Variants in MARCHF10 observed in about 807,000 individuals in gnomAD.
MARCHF10 encodes membrane associated ring-CH-type finger 10, also known as probable E3 ubiquitin-protein ligase MARCHF10.
MARCHF10 carries 64 observed loss-of-function variants against 76.2 expected under a neutral mutation model. The observed-to-expected ratio is 0.84, with a 90% CI of 0.69 to 1.03. The LOEUF (loss-of-function observed/expected upper bound fraction) is 1.03, where lower values mean the gene tolerates loss of function less well. Among genes scored for constraint, MARCHF10 ranks in the 50% least tolerant of loss-of-function variants. MARCHF10 has a pLI of 0.00. For missense variants in MARCHF10, 875 were observed against 958.0 expected, an observed-to-expected ratio of 0.91 and a Z score of 1.14; for synonymous variants, 340 against 357.5, an observed-to-expected ratio of 0.95 and a Z score of 0.55.
chr17:62,794,976 G>A, intron 2 of MARCHF10: 2 of 977,348 alleles, frequency 2.0e-6, no homozygotes, highest in Non-Finnish European at 2.4e-6. Context: ...CCTCCAGCTA[G>A]TTTTTTTTCC....
At chr17:62,740,746 C>T (rs1041627951) in intron 5 of MARCHF10, among the ~76,000 whole-genome samples, 6 of 152,186 alleles carry the variant, frequency 3.9e-5, no homozygotes, top group African/African-American at 1.2e-4. Flanking sequence ...CCTGCCTCAG[C>T]CTCCTGAGTA....
intron 4 of MARCHF10, among the ~76,000 whole-genome samples, chr17:62,751,043 G>A (rs1422480443): frequency 3.9e-5 from 6 of 152,314 alleles, no homozygotes; most frequent in Admixed American, 1.3e-4. Context: ...GAGAGATCCC[G>A]GCGGGATCAT....
At chr17:62,795,382 A>AAAAAAG (rs1555719591) in intron 2 of MARCHF10, among the ~76,000 whole-genome samples, 1 of 111,990 alleles carries the variant, frequency 8.9e-6, no homozygotes, top group African/African-American at 3.7e-5. Flanking sequence ...AAAAAAAAAA[A>AAAAAAG]AAGAAGCTAG....
At chr17:62,715,062 T>A (rs1292409224) in intron 8 of MARCHF10, among the ~76,000 whole-genome samples, 1 of 152,116 alleles carries the variant, frequency 6.6e-6, no homozygotes, top group African/African-American at 2.4e-5. Context: ...GCTCCTCCTT[T>A]CCTCCCTGCA....
At chr17:62,764,303 T>C (rs1278928945) in intron 3 of MARCHF10, among the ~76,000 whole-genome samples, 2 of 152,208 alleles carry the variant, frequency 1.3e-5, no homozygotes, top group South Asian at 4.1e-4. Flanking sequence ...TTAACTGATA[T>C]GCCATTTCTG....
intron 10 of MARCHF10, chr17:62,705,196 A>C (rs1204817016): frequency 8.1e-7 from 1 of 1,231,514 alleles, no homozygotes; most frequent in South Asian, 1.8e-5. Flanking sequence ...TCCTGGCAGT[A>C]AAAAAACCAA....
chr17:62,712,397 G>A lies in MARCHF10; in HGVS notation c.2215-1053C>T, dbSNP rs945649920. On this transcript the variant is annotated intron_variant, in intron 8 of 10. Transcript: ENST00000311269. The surrounding 1 kb of genome is among the most constrained non-coding windows in gnomAD (Gnocchi z 4.2). The stretch of plus-strand genomic sequence containing the variant: ...ATCTGCCTTCTTCCTGCAGCAGCGC[G>A]GGTGCCACATCTTCCTGTTCTCATT... Among the ~76,000 whole-genome samples, 1 of 152,330 alleles carries A rather than the reference G, an allele frequency of 6.6e-6. No individual in the cohort carries two copies. Among genetic ancestry groups the A allele is most frequent in the South Asian group, 2.1e-4 (1 of 4,824 alleles).
At chr17:62,780,107 C>A (rs867701017) in intron 3 of MARCHF10, among the ~76,000 whole-genome samples, 210 of 130,402 alleles carry the variant, frequency 1.6e-3, no homozygotes, top group African/African-American at 8.9e-3. Context: ...AAAAAAAAAA[C>A]AAACCAAAAA....
intron 8 of MARCHF10, among the ~76,000 whole-genome samples, chr17:62,721,942 A>G (rs538697868): frequency 1.3e-5 from 2 of 151,854 alleles, no homozygotes; most frequent in African/African-American, 2.4e-5. Flanking sequence ...GAAGCTTCTT[A>G]CTTTTGTTCC....
intron 6 of MARCHF10, among the ~76,000 whole-genome samples, chr17:62,730,011 G>A (rs895709202): frequency 2.6e-5 from 4 of 152,112 alleles, no homozygotes; most frequent in Non-Finnish European, 2.9e-5. Flanking sequence ...GTGAAGCCCC[G>A]TCTCTACTAA....
intron 1 of MARCHF10, among the ~76,000 whole-genome samples, chr17:62,807,061 G>A (rs2093174844): frequency 6.6e-6 from 1 of 152,188 alleles, no homozygotes; most frequent in Admixed American, 6.5e-5. Context: ...GGACAATCAG[G>A]CTCGAAAATT....
At chr17:62,766,481 C>T (rs1272100827) in intron 3 of MARCHF10, among the ~76,000 whole-genome samples, 1 of 150,746 alleles carries the variant, frequency 6.6e-6, no homozygotes, top group Non-Finnish European at 1.5e-5. Context: ...GTCTGGGCAA[C>T]AAGAGCGAAA....
intron 8 of MARCHF10, among the ~76,000 whole-genome samples, chr17:62,717,889 G>T (rs913321697): frequency 5.9e-5 from 9 of 152,310 alleles, no homozygotes; most frequent in Admixed American, 3.3e-4. Context: ...TTTCTAGAAG[G>T]TGCTTGTAGC....
chr17:62,722,458 C>A, intron 8 of MARCHF10, 30 bp downstream of exon 8: 2 of 1,511,908 alleles, frequency 1.3e-6, no homozygotes, highest in South Asian at 1.2e-5. Flanking sequence ...ATACTTTAAC[C>A]TGTGGAGGCA....
At chr17:62,775,514 G>GA (rs2092536440) in intron 3 of MARCHF10, among the ~76,000 whole-genome samples, 1 of 151,796 alleles carries the variant, frequency 6.6e-6, no homozygotes. Context: ...ACTCGGGGGG[G>GA]GGCGTGGCTT....
Position 62,736,448 on chromosome 17 carries a change from C to T in MARCHF10, c.1420G>A (p.Ala474Thr). ...SSVNSSYNPP[A>T]SFMHSALRDD... Reference sequence around the variant, plus strand: ...CTCAGAGCAGAATGCATGAATGATGCAGGAGGGTTATAGGATGAATTCACT... The same window carrying T: ...CTCAGAGCAGAATGCATGAATGATGTAGGAGGGTTATAGGATGAATTCACT... The change falls in exon 6 of 11, where the codon GCA (alanine) becomes ACA (threonine). Residue 474 changes from alanine to threonine, a missense_variant. By Grantham distance (58) the Ala-to-Thr change is moderately conservative. Coordinates refer to ENST00000311269, the MANE Select transcript of MARCHF10 (RefSeq NM_152598.4). The T allele has an allele frequency of 1.9e-6, 3 of 1,614,126 alleles. No individual in the cohort carries two copies. The South Asian group carries it at 3.3e-5, about 18-fold the overall frequency.
At position 62,744,369 on chromosome 17, in the gene MARCHF10, T is replaced by A. The variant is rs900748990; in HGVS notation, c.535+7A>T. On this transcript the variant is annotated splice_region_variant and intron_variant, in intron 5 of 10. Coordinates refer to ENST00000311269, the MANE Select transcript of MARCHF10 (RefSeq NM_152598.4). ...AGGACAAAGGTTCGGGAGCCCCGGG[T>A]CCTTACCTGCTCCCCTGGGAACCGG... 16 of 1,613,094 alleles carry A rather than the reference T, an allele frequency of 9.9e-6. No individual in the cohort carries two copies. Among genetic ancestry groups the A allele is most frequent in the Admixed American group, 1.7e-5 (1 of 59,780 alleles).
chr17:62,744,202 C>T (rs1021040779), intron 5 of MARCHF10, among the ~76,000 whole-genome samples, 174 bp downstream of exon 5: 8 of 152,134 alleles, frequency 5.3e-5, no homozygotes, highest in African/African-American at 9.7e-5. Flanking sequence ...GGAAAAAAAA[C>T]GCCAAAAGCC....
intron 4 of MARCHF10, among the ~76,000 whole-genome samples, chr17:62,756,233 A>G (rs2092038799): frequency 6.6e-6 from 1 of 152,102 alleles, no homozygotes; most frequent in Non-Finnish European, 1.5e-5. Flanking sequence ...GGGCAACAAG[A>G]GTGAAACTCT....
Sources: allele counts gnomAD v4.1 joint callset (sites outside exome capture counted in the v4.1 genomes callset), GRCh38; gene constraint gnomAD v4.1.1; non-coding constraint Gnocchi (gnomAD v3.1); transcripts MANE v1.5; gene names NCBI Gene and HGNC (gene_info 2026-07-23, HGNC 2026-07-21).